The following ZGRF1 variants were observed in gnomAD, a reference collection of about 807,000 sequenced individuals.
The protein encoded by ZGRF1 is zinc finger GRF-type containing 1.
Under a neutral mutation model 203.5 loss-of-function variants are expected in ZGRF1, and 196 were observed. The observed-to-expected ratio is 0.96, with a 90% CI of 0.86 to 1.08. The LOEUF is 1.08. Ranked by LOEUF, ZGRF1 falls within the 50% of genes least tolerant of loss-of-function variation. The pLI is 0.00. For synonymous variants in ZGRF1, 809 were observed against 841.3 expected (o/e 0.96, Z 0.66); for missense variants, 2,326 against 2,416.3 (o/e 0.96, Z 0.78).
At chr4:112,583,715 G>A (rs1177845479) in intron 15 of ZGRF1, among the ~76,000 whole-genome samples, 1 of 151,918 alleles carries the variant, frequency 6.6e-6, no homozygotes, top group Non-Finnish European at 1.5e-5. Context: ...GAGGTGGGTG[G>A]AGAGCTTCAG....
chr4:112,613,535 G>C (rs1460992866), intron 6 of ZGRF1, among the ~76,000 whole-genome samples: 1 of 152,024 alleles, frequency 6.6e-6, no homozygotes, highest in Non-Finnish European at 1.5e-5. Flanking sequence ...TGATACAAAA[G>C]GGTATCTCAT....
intron 16 of ZGRF1, among the ~76,000 whole-genome samples, chr4:112,570,440 T>G (rs889991618): frequency 6.6e-6 from 1 of 150,884 alleles, no homozygotes; most frequent in Non-Finnish European, 1.5e-5. Context: ...AATAGAAAAT[T>G]TAGTGGGTGT....
chr4:112,562,552 A>C, intron 17 of ZGRF1, 67 bp from the exon 18 acceptor site: 1 of 921,094 alleles, frequency 1.1e-6, no homozygotes, highest in African/African-American at 1.6e-5. Flanking sequence ...CTCTGTGTTA[A>C]ATGCCCACAT....
intron 10 of ZGRF1, among the ~76,000 whole-genome samples, chr4:112,597,420 A>G (rs916640356): frequency 5.9e-5 from 9 of 151,978 alleles, no homozygotes; most frequent in African/African-American, 2.2e-4. Flanking sequence ...GCTACCCAGG[A>G]GGCTGAGGCA....
At chr4:112,582,645 A>G (rs1291134144) in intron 15 of ZGRF1, among the ~76,000 whole-genome samples, 1 of 151,972 alleles carries the variant, frequency 6.6e-6, no homozygotes, top group Non-Finnish European at 1.5e-5. Context: ...AGGTTTCATG[A>G]GACGACGTTT....
At chr4:112,574,405 A>G (rs1028481159) in intron 16 of ZGRF1, among the ~76,000 whole-genome samples, 1 of 152,200 alleles carries the variant, frequency 6.6e-6, no homozygotes, top group Admixed American at 6.5e-5. Context: ...TAAAAAAACT[A>G]AAAATTTTAT....
chr4:112,616,286 GAGGC>G (rs2046865915), intron 6 of ZGRF1, among the ~76,000 whole-genome samples: 1 of 152,016 alleles, frequency 6.6e-6, no homozygotes. Flanking sequence ...TTGGGAGGCC[GAGGC>G]AGGTGGATCT....
chr4:112,589,601 A>C (rs1483892262), intron 11 of ZGRF1, 123 bp downstream of exon 11: 1 of 829,380 alleles, frequency 1.2e-6, no homozygotes, highest in Non-Finnish European at 2.0e-6. Context: ...AAGGTTATGG[A>C]AAGGCTTCAA....
intron 6 of ZGRF1, among the ~76,000 whole-genome samples, chr4:112,612,947 T>G (rs1416568696): frequency 1.3e-5 from 1 of 79,704 alleles, no homozygotes; most frequent in Non-Finnish European, 2.6e-5. Flanking sequence ...ACCGGACAAC[T>G]GTTAGGAAAG....
At chr4:112,571,344 GA>G (rs887682015) in intron 16 of ZGRF1, among the ~76,000 whole-genome samples, 2 of 151,960 alleles carry the variant, frequency 1.3e-5, no homozygotes, top group African/African-American at 2.4e-5. Flanking sequence ...TCAGTTCTTC[GA>G]AAACAATAAC....
chr4:112,610,010 G>C lies in ZGRF1; in HGVS notation c.2668-581C>G, dbSNP rs373403761. 5.3e-5 allele frequency among the ~76,000 whole-genome samples: 8 copies of C among 150,530 alleles called. No homozygotes were observed. The East Asian group carries it at 1.2e-3, about 23-fold the overall frequency. ...AACAGTTAGTTAGGTATGGTGGCATGCACCTGTAGTCCCAGCTACTCAGGA... is the reference window on the plus strand; with the variant it reads ...AACAGTTAGTTAGGTATGGTGGCATCCACCTGTAGTCCCAGCTACTCAGGA... On this transcript the variant is annotated intron_variant, in intron 7 of 27. Transcript: ENST00000505019.
rs1388213272 is a variant in ZGRF1 at position 112,618,300 on chromosome 4, C to T, written c.1742G>A (p.Cys581Tyr). The part of the protein sequence containing the change: ...CFQKRSENTN[C>Y]EEIEGEHLPF... ...CAAATGTTCACCCTCAATCTCTTCACAGTTTGTATTCTCAGACCTCTTTTG... is the reference window on the plus strand; with the variant it reads ...CAAATGTTCACCCTCAATCTCTTCATAGTTTGTATTCTCAGACCTCTTTTG... The change falls in exon 6 of 28, where the codon TGT becomes TAT. Residue 581 changes from cysteine to tyrosine, a missense_variant. Transcript: ENST00000505019. 6.2e-7 allele frequency: 1 copy of T among 1,613,918 alleles called. No homozygotes were observed. Among genetic ancestry groups the T allele is most frequent in the South Asian group, 1.1e-5 (1 of 91,070 alleles).
At chr4:112,545,068 G>A (rs767292419) in intron 24 of ZGRF1, among the ~76,000 whole-genome samples, 1 of 152,094 alleles carries the variant, frequency 6.6e-6, no homozygotes, top group Non-Finnish European at 1.5e-5. Flanking sequence ...AAATTTTCAT[G>A]ACATTGGATT....
In ZGRF1 at chr4:112,585,729, C is replaced by T. The variant is rs78501407; in HGVS notation, c.3917-4G>A. 1.4e-4 allele frequency: 167 copies of T among 1,163,678 alleles called. No individual in the cohort carries two copies. The highest frequency in any genetic ancestry group is 1.7e-4 in the Non-Finnish European group (158 of 910,280). 72.1% of individuals were successfully genotyped at this position (1,163,678 alleles called of 1,614,324 possible). ...AACAGCAATATATTTAGATGTTCTA[C>T]AAAAAAAAAAAAAAGAGAGCAGAAA... On this transcript the variant is annotated splice_polypyrimidine_tract_variant and splice_region_variant and intron_variant, in intron 13 of 27. Transcript: ENST00000505019.
intron 9 of ZGRF1, 84 bp from the exon 10 acceptor site, chr4:112,603,781 C>T (rs1040440854): frequency 4.1e-6 from 4 of 977,994 alleles, no homozygotes; most frequent in Non-Finnish European, 5.9e-6. Context: ...GAATACAATA[C>T]ATAATTCAGC....
intron 22 of ZGRF1, among the ~76,000 whole-genome samples, chr4:112,548,904 G>A (rs1739371865): frequency 3.8e-5 from 1 of 26,544 alleles, no homozygotes; most frequent in Non-Finnish European, 7.2e-5. Flanking sequence ...CACGAGGTCA[G>A]GAGATCGAGA....
At chr4:112,623,670 A>G (rs925765152) in intron 4 of ZGRF1, 147 bp downstream of exon 4, 2 of 565,378 alleles carry the variant, frequency 3.5e-6, no homozygotes, top group Admixed American at 3.6e-5. Flanking sequence ...AACAATATCT[A>G]AAAGGTTTTA....
rs1241669106 is a variant in ZGRF1 at position 112,619,227 on chromosome 4, G to C, written c.815C>G (p.Ser272Cys). 3 of 1,612,998 alleles carry C rather than the reference G, an allele frequency of 1.9e-6. No individual in the cohort carries two copies. The highest frequency in any genetic ancestry group is 2.5e-6 in the Non-Finnish European group (3 of 1,179,936). ...ESSSSCEELN[S>C]EMTEHFPQKQ... ...TTGAGGAAAATGCTCTGTCATCTCA[G>C]AATTTAGTTCCTCACATGAACTAGA... Residue 272 changes from serine (S) to cysteine (C), a missense_variant, in exon 6 of 28, where the codon TCT becomes TGT. Ser to Cys is a moderately radical substitution (Grantham distance 112). Coordinates refer to ENST00000505019, the MANE Select transcript of ZGRF1 (RefSeq NM_018392.5).
At position 112,617,664 on chromosome 4, in the gene ZGRF1, C is replaced by T. The variant is rs1281636093; in HGVS notation, c.2378G>A (p.Ser793Asn). 1.2e-6 allele frequency: 2 copies of T among 1,613,884 alleles called. No homozygotes were observed. The highest frequency in any genetic ancestry group is 1.7e-6 in the Non-Finnish European group (2 of 1,179,916). ...SEPEDLGKIR[S>N]PPPDHVEVET... Reference sequence around the variant, plus strand: ...AACCTCAACATGGTCAGGGGGTGGACTTCTAATCTTTCCCAAATCTTCAGG... The same window carrying T: ...AACCTCAACATGGTCAGGGGGTGGATTTCTAATCTTTCCCAAATCTTCAGG... The change falls in exon 6 of 28, where the codon AGT (serine) becomes AAT (asparagine). Residue 793 changes from serine (S) to asparagine (N), a missense_variant. Coordinates refer to ENST00000505019, the MANE Select transcript of ZGRF1 (RefSeq NM_018392.5).
Sources: allele counts gnomAD v4.1 joint callset (sites outside exome capture counted in the v4.1 genomes callset), GRCh38; gene constraint gnomAD v4.1.1; transcripts MANE v1.5; gene names NCBI Gene and HGNC (gene_info 2026-07-23, HGNC 2026-07-21).